The following CIMIP2B variants were observed in gnomAD, a reference collection of about 807,000 sequenced individuals.
The protein encoded by CIMIP2B is ciliary microtubule inner protein 2B, also known as family with sequence similarity 166 member B.
the CIMIP2B span, chr9:35,561,929 C>CCTCCCACCCACCTCT: frequency 2.2e-6 from 1 of 451,912 alleles, no homozygotes; most frequent in South Asian, 1.8e-5. Flanking sequence ...ACCCTCCCAC[C>CCTCCCACCCACCTCT]CTCCCACCCA....
the CIMIP2B span, chr9:35,562,016 G>A: frequency 4.3e-6 from 6 of 1,411,088 alleles, no homozygotes; most frequent in Non-Finnish European, 5.6e-6. Context: ...CCTAAGCCAA[G>A]AGCTGCTTCT....
chr9:35,562,109 A>G, the CIMIP2B span: 35 of 1,516,032 alleles, frequency 2.3e-5, no homozygotes, highest in Non-Finnish European at 3.0e-5. Flanking sequence ...TGTGGCCAAG[A>G]GAGTCTGTCA....
chr9:35,562,222 T>C, the CIMIP2B span: 1 of 998,026 alleles, frequency 1.0e-6, no homozygotes, highest in African/African-American at 1.6e-5. Context: ...TGTGGGTAGC[T>C]ACCTCGGTTT....
chr9:35,562,447 G>T, the CIMIP2B span: 1 of 1,579,524 alleles, frequency 6.3e-7, no homozygotes, highest in South Asian at 1.2e-5. Context: ...GAAGTGGGGG[G>T]AGATGTTTGG....
the CIMIP2B span, chr9:35,562,325 TACCCATACAA>T: frequency 1.0e-6 from 1 of 962,244 alleles, no homozygotes; most frequent in Non-Finnish European, 1.5e-6. Context: ...ACCCACCCCA[TACCCATACAA>T]ACAAACATTC....
At chr9:35,561,931 T>TCCCCCCCTCCCA in the CIMIP2B span, 1 of 183,650 alleles carries the variant, frequency 5.4e-6, no homozygotes, top group African/African-American at 5.2e-5. Context: ...CCTCCCACCC[T>TCCCCCCCTCCCA]CCCACCCACC....
At chr9:35,562,633 A>AC in the CIMIP2B span, 27 of 1,611,976 alleles carry the variant, frequency 1.7e-5, no homozygotes, top group Admixed American at 5.0e-5. Flanking sequence ...TCTGATCCTG[A>AC]CCCCCCAGCT....
At chr9:35,562,823 T>TAAGA in the CIMIP2B span, 1 of 1,611,890 alleles carries the variant, frequency 6.2e-7, no homozygotes, top group South Asian at 1.1e-5. Flanking sequence ...GGACACACAG[T>TAAGA]AAGACCCCCA....
At chr9:35,562,372 C>T in the CIMIP2B span, 1 of 1,465,782 alleles carries the variant, frequency 6.8e-7, no homozygotes, top group African/African-American at 1.4e-5. Flanking sequence ...CCCGGGGGCT[C>T]TTCTCACCTG....
At chr9:35,563,125 A>G in the CIMIP2B span, 1 of 1,612,836 alleles carries the variant, frequency 6.2e-7, no homozygotes, top group Non-Finnish European at 8.5e-7. Context: ...TTTGGAACAC[A>G]TGCTCCTGGG....
the CIMIP2B span, chr9:35,562,257 G>A: frequency 9.4e-7 from 1 of 1,064,938 alleles, no homozygotes; most frequent in South Asian, 1.7e-5. Context: ...TAATAAAGCT[G>A]AACCACATGA....
At chr9:35,563,092 G>T in the CIMIP2B span, 1 of 1,613,786 alleles carries the variant, frequency 6.2e-7, no homozygotes, top group Non-Finnish European at 8.5e-7. Flanking sequence ...TGGGCAGGCA[G>T]GGACAAGGAA....
At chr9:35,562,714 C>T in the CIMIP2B span, 6 of 1,613,462 alleles carry the variant, frequency 3.7e-6, no homozygotes, top group Non-Finnish European at 5.1e-6. Context: ...TGAGAGAAGC[C>T]CCTGTGCTGT....
At chr9:35,562,575 C>T in the CIMIP2B span, 4 of 1,602,200 alleles carry the variant, frequency 2.5e-6, no homozygotes, top group Non-Finnish European at 3.4e-6. Flanking sequence ...CCAGTGAAGC[C>T]TGAGGATGGG....
At chr9:35,563,281 G>T in the CIMIP2B span, 1 of 1,614,006 alleles carries the variant, frequency 6.2e-7, no homozygotes, top group Non-Finnish European at 8.5e-7. Flanking sequence ...GAAGTGTGCG[G>T]TGGACAGGGG....
the CIMIP2B span, chr9:35,561,919 A>ACCTTTCCCCC: frequency 9.2e-6 from 1 of 109,272 alleles, no homozygotes; most frequent in Non-Finnish European, 1.9e-5. Context: ...GTGTTCCCCC[A>ACCTTTCCCCC]CCCTCCCACC....
chr9:35,563,178 G>A, the CIMIP2B span: 2 of 1,613,990 alleles, frequency 1.2e-6, no homozygotes, highest in Non-Finnish European at 1.7e-6. Context: ...GTGTACCCAG[G>A]GATCATGCTG....
At chr9:35,562,403 G>C in the CIMIP2B span, 1 of 1,509,224 alleles carries the variant, frequency 6.6e-7, no homozygotes, top group East Asian at 2.3e-5. Flanking sequence ...CCCATAGTTA[G>C]GTAAAAGACC....
chr9:35,562,126 G>A, the CIMIP2B span: 1 of 1,459,188 alleles, frequency 6.9e-7, no homozygotes, highest in South Asian at 1.3e-5. Flanking sequence ...GTCACATGTA[G>A]CAAGTGGCAT....
Sources: allele counts gnomAD v4.1 joint callset, GRCh38; gene constraint gnomAD v4.1.1; transcripts MANE v1.5; gene names NCBI Gene and HGNC (gene_info 2026-07-23, HGNC 2026-07-21).